Variants in SAXO3 observed in about 807,000 individuals in gnomAD.
SAXO3 encodes the protein CTB-60B18.10.
the SAXO3 span, chr19:49,019,845 C>CA: frequency 7.8e-7 from 1 of 1,282,282 alleles, no homozygotes; most frequent in Non-Finnish European, 1.0e-6. Context: ...CGTGAAGGAG[C>CA]AGGGGACTCA....
the SAXO3 span, chr19:49,020,345 C>G: frequency 2.4e-6 from 1 of 413,466 alleles, no homozygotes; most frequent in Non-Finnish European, 4.2e-6. Context: ...TCTCCAGGCC[C>G]GGCAGGGCTG....
At chr19:49,020,413 T>C in the SAXO3 span, 1 of 399,326 alleles carries the variant, frequency 2.5e-6, no homozygotes. Flanking sequence ...GGTGGGATAA[T>C]GCGGTGGGAA....
chr19:49,020,074 C>T, the SAXO3 span: 1 of 1,410,468 alleles, frequency 7.1e-7, no homozygotes, highest in Non-Finnish European at 9.2e-7. Flanking sequence ...GAGAATCCTG[C>T]TTTGCAACTT....
the SAXO3 span, chr19:49,019,700 A>G: frequency 1.2e-3 from 1,440 of 1,203,000 alleles, 13 homozygotes; most frequent in African/African-American, 0.02. Flanking sequence ...TGGGGCCCGA[A>G]GTATTCCGGG....
chr19:49,019,649 G>A, the SAXO3 span: 8 of 1,262,822 alleles, frequency 6.3e-6, no homozygotes, highest in Non-Finnish European at 8.1e-6. Flanking sequence ...CCAGACACCT[G>A]GGAAGGACCC....
the SAXO3 span, chr19:49,019,218 C>T: frequency 2.2e-6 from 3 of 1,385,130 alleles, no homozygotes; most frequent in Non-Finnish European, 1.9e-6. Flanking sequence ...CCTCACCTCC[C>T]TAAATCCAAG....
chr19:49,018,071 C>T, the SAXO3 span: 3 of 398,702 alleles, frequency 7.5e-6, no homozygotes, highest in Non-Finnish European at 1.3e-5. Context: ...CGGGCCGCCC[C>T]AGGGCGCCTC....
At chr19:49,018,908 C>G in the SAXO3 span, 1 of 1,534,384 alleles carries the variant, frequency 6.5e-7, no homozygotes, top group African/African-American at 1.4e-5. Flanking sequence ...CCGAGGTGGT[C>G]AGATAGAGCT....
chr19:49,019,812 C>T, the SAXO3 span: 1 of 1,253,348 alleles, frequency 8.0e-7, no homozygotes, highest in Non-Finnish European at 1.1e-6. Flanking sequence ...GTCTGAGCTG[C>T]GGAAAGGCGA....
At chr19:49,020,161 C>T in the SAXO3 span, 1 of 544,868 alleles carries the variant, frequency 1.8e-6, no homozygotes, top group Non-Finnish European at 3.1e-6. Flanking sequence ...GTCCCTATCA[C>T]CCCCCACCCC....
chr19:49,019,799 G>A, the SAXO3 span: 441 of 1,228,890 alleles, frequency 3.6e-4, 2 homozygotes, highest in Non-Finnish European at 4.2e-4. Context: ...CGCCAGCCGC[G>A]GTGTCTGAGC....
At chr19:49,019,738 G>A in the SAXO3 span, 2 of 1,181,166 alleles carry the variant, frequency 1.7e-6, no homozygotes, top group East Asian at 6.3e-5. Flanking sequence ...GGGAGAGCCA[G>A]TGTACTGCGC....
At chr19:49,018,208 C>T in the SAXO3 span, 1 of 522,448 alleles carries the variant, frequency 1.9e-6, no homozygotes, top group Non-Finnish European at 2.9e-6. Flanking sequence ...GCACGCGGAC[C>T]CGCGGTGGTC....
chr19:49,020,094 G>A, the SAXO3 span: 30 of 1,330,034 alleles, frequency 2.3e-5, no homozygotes, highest in Admixed American at 7.2e-4. Context: ...TGGGGTAGAG[G>A]GTCCGCGACC....
chr19:49,019,189 A>G, the SAXO3 span: 1 of 1,407,268 alleles, frequency 7.1e-7, no homozygotes, highest in South Asian at 1.6e-5. Flanking sequence ...TTCCTTTCTC[A>G]TACCCGAACC....
At chr19:49,018,935 G>A in the SAXO3 span, 2 of 1,534,368 alleles carry the variant, frequency 1.3e-6, no homozygotes, top group South Asian at 2.4e-5. Flanking sequence ...GGTCCAGGAC[G>A]CCCCGGTCGG....
the SAXO3 span, chr19:49,020,060 T>C: frequency 7.0e-7 from 1 of 1,424,540 alleles, no homozygotes; most frequent in Non-Finnish European, 9.1e-7. Flanking sequence ...GAAAGCCCAG[T>C]TGTGAGAATC....
chr19:49,019,941 G>A, the SAXO3 span: 1 of 1,497,200 alleles, frequency 6.7e-7, no homozygotes, highest in Non-Finnish European at 9.0e-7. Context: ...CCCACAGTCC[G>A]CGTGGGGTCT....
At chr19:49,018,886 G>A in the SAXO3 span, 1 of 1,534,200 alleles carries the variant, frequency 6.5e-7, no homozygotes, top group Non-Finnish European at 8.7e-7. Context: ...GGATAGAACC[G>A]AAAGTCCCGC....
Sources: gnomAD v4.1 joint callset for allele counts on GRCh38, gnomAD v4.1.1 for gene constraint, MANE v1.5 for transcripts, NCBI Gene and HGNC (gene_info 2026-07-23, HGNC 2026-07-21) for gene names.